Variants in KIT observed in about 807,000 individuals in gnomAD.
KIT encodes mast/stem cell growth factor receptor Kit.
KIT carries 16 observed loss-of-function variants against 105.7 expected under a neutral mutation model. The observed-to-expected ratio is 0.15, with a 90% CI of 0.10 to 0.23. The LOEUF is 0.23. Among genes scored for constraint, KIT ranks in the 10% least tolerant of loss-of-function variants. The pLI, the probability that KIT is intolerant of heterozygous loss-of-function variation, is 1.00. For missense variants in KIT, 858 were observed against 1,213.8 expected, an observed-to-expected ratio of 0.71 and a Z score of 4.36; for synonymous variants, 438 against 441.1, an observed-to-expected ratio of 0.99 and a Z score of 0.09.
intron 17 of KIT, among the ~76,000 whole-genome samples, chr4:54,735,584 T>C (rs932726608): frequency 3.9e-5 from 6 of 152,180 alleles, no homozygotes; most frequent in African/African-American, 1.4e-4. Flanking sequence ...CTTGCCTTTC[T>C]TCTAGGCAAT....
At chr4:54,662,658 C>T (rs1482041169) in intron 1 of KIT, among the ~76,000 whole-genome samples, 9 of 152,152 alleles carry the variant, frequency 5.9e-5, no homozygotes, top group Non-Finnish European at 1.2e-4. Flanking sequence ...CTGCAACCTC[C>T]ACCTCCTGGG....
chr4:54,686,670 G>T (rs112665338), intron 1 of KIT, among the ~76,000 whole-genome samples: 1 of 152,098 alleles, frequency 6.6e-6, no homozygotes, highest in African/African-American at 2.4e-5. Flanking sequence ...TCAGCCTCCT[G>T]AGTACCTGGG....
rs1722035754 is a variant in KIT, at chr4:54,723,707, A to G, written c.1346+9A>G. On this transcript the variant is annotated intron_variant, in intron 8 of 20. Coordinates refer to ENST00000288135, the MANE Select transcript of KIT (RefSeq NM_000222.3). Reference sequence around the variant, plus strand: ...CCAGGAACTGAGCAGAGGTGAGATGATTATTTTTGGCACTGCTTATAATGC... The same window carrying G: ...CCAGGAACTGAGCAGAGGTGAGATGGTTATTTTTGGCACTGCTTATAATGC... The G allele has an allele frequency of 6.5e-7, 1 of 1,542,314 alleles. No individual in the cohort carries two copies. Among genetic ancestry groups the G allele is most frequent in the African/African-American group, 1.4e-5 (1 of 73,462 alleles).
At chr4:54,658,186 C>T in intron 1 of KIT, 105 bp downstream of exon 1, 4 of 1,154,044 alleles carry the variant, frequency 3.5e-6, no homozygotes, top group East Asian at 4.8e-5. Flanking sequence ...ACTGCGGGCC[C>T]TCAGTGCCCG....
At chr4:54,726,131 C>T (rs1560416309) in intron 9 of KIT, 81 bp downstream of exon 9, 1 of 1,141,352 alleles carries the variant, frequency 8.8e-7, no homozygotes, top group Non-Finnish European at 1.3e-6. Flanking sequence ...TTCATTCCAA[C>T]ATTGACCATG....
chr4:54,734,130 G>A (rs1445368198), intron 17 of KIT, among the ~76,000 whole-genome samples: 2 of 152,134 alleles, frequency 1.3e-5, no homozygotes, highest in East Asian at 3.8e-4. Flanking sequence ...TTATCATCAG[G>A]AGTGATAATA....
At chr4:54,732,909 G>A (rs1722699217) in intron 16 of KIT, among the ~76,000 whole-genome samples, 161 bp from the exon 17 acceptor site, 1 of 152,110 alleles carries the variant, frequency 6.6e-6, no homozygotes, top group African/African-American at 2.4e-5. Flanking sequence ...CATCATTCAA[G>A]GCGTACTTTT....
chr4:54,740,317 G>A lies in KIT; in HGVS notation c.*1760G>A. 4.3e-6 allele frequency: 1 copy of A among 233,516 alleles called. No individual in the cohort carries two copies. Among genetic ancestry groups the A allele is most frequent in the South Asian group, 1.8e-4 (1 of 5,528 alleles). 14.5% of individuals were successfully genotyped at this position (233,516 alleles called of 1,614,324 possible). ...TACTTTGTCTGAAAAATTCCTTTGTGTTTCTATTGACTTCAATGATAGTAA... is the reference window on the plus strand; with the variant it reads ...TACTTTGTCTGAAAAATTCCTTTGTATTTCTATTGACTTCAATGATAGTAA... On this transcript the variant is annotated 3_prime_UTR_variant, in exon 21 of 21. Coordinates refer to ENST00000288135, the MANE Select transcript of KIT (RefSeq NM_000222.3).
At chr4:54,737,044 G>A (rs1560425229) in intron 19 of KIT, 131 bp from the exon 20 acceptor site, 2 of 745,094 alleles carry the variant, frequency 2.7e-6, no homozygotes, top group South Asian at 3.0e-5. Context: ...AGTGTTTTAT[G>A]TTATCTATAT....
chr4:54,727,601 T>G (rs1722320794), intron 11 of KIT, 59 bp downstream of exon 11: 1 of 1,603,322 alleles, frequency 6.2e-7, no homozygotes, highest in Non-Finnish European at 8.5e-7. Flanking sequence ...ACAGTGACTT[T>G]AAGGAACTCC....
intron 4 of KIT, among the ~76,000 whole-genome samples, chr4:54,703,172 TA>T (rs1577962394): frequency 6.6e-6 from 1 of 152,330 alleles, no homozygotes; most frequent in East Asian, 1.9e-4. Flanking sequence ...AGATGTCTCT[TA>T]TACCTTGGAA....
chr4:54,681,122 C>T (rs1048272399), intron 1 of KIT, among the ~76,000 whole-genome samples: 7 of 152,126 alleles, frequency 4.6e-5, no homozygotes, highest in African/African-American at 7.2e-5. Flanking sequence ...AAAGAAGGGA[C>T]GAGCTCGCTA....
Position 54,690,060 on chromosome 4 carries a change from G to GT in KIT, c.68-5452_68-5451insT, listed in dbSNP as rs993062707. Among the ~76,000 whole-genome samples the GT allele has an allele frequency of 9.4e-4, 115 of 121,764 alleles. 2 individuals carry two copies. The highest frequency in any genetic ancestry group is 3.4e-3 in the African/African-American group (105 of 31,326). 79.9% of individuals were successfully genotyped at this position (121,764 alleles called of 152,430 possible). A position where few individuals can be genotyped will look rare whatever the true frequency, so the allele number is the denominator to read the frequency against. ...TATAGAATGTTACTTTTTTTTTGTG[G>GT]GGGGGGGGGGCTGTGTAATGTTCCA... On this transcript the variant is annotated intron_variant, in intron 1 of 20. Transcript: ENST00000288135.
At chr4:54,703,427 C>G (rs943532845) in intron 4 of KIT, among the ~76,000 whole-genome samples, 1 of 152,136 alleles carries the variant, frequency 6.6e-6, no homozygotes, top group Non-Finnish European at 1.5e-5. Flanking sequence ...TCAGAGATAG[C>G]AACTTTTAAA....
intron 1 of KIT, among the ~76,000 whole-genome samples, chr4:54,686,409 T>G (rs562735399): frequency 6.6e-6 from 1 of 152,350 alleles, no homozygotes; most frequent in Admixed American, 6.5e-5. Flanking sequence ...CTTTAATTTT[T>G]AAAAGCTAAA....
intron 1 of KIT, among the ~76,000 whole-genome samples, 175 bp from the exon 2 acceptor site, chr4:54,695,337 A>G (rs537902236): frequency 5.3e-4 from 80 of 152,362 alleles, no homozygotes; most frequent in African/African-American, 1.8e-3. Context: ...AAATAATTTT[A>G]TAGATGAACT....
At chr4:54,737,361 G>T (rs908505872) in intron 20 of KIT, 81 bp downstream of exon 20, 1 of 938,554 alleles carries the variant, frequency 1.1e-6, no homozygotes, top group African/African-American at 1.6e-5. Context: ...TCAGGGTGAG[G>T]ACTAACCTCC....
rs760581405 is a variant in KIT, at chr4:54,723,564, C to A, written c.1232-20C>A. The A allele has an allele frequency of 1.3e-6, 2 of 1,517,212 alleles. No individual in the cohort carries two copies. The highest frequency in any genetic ancestry group is 1.4e-5 in the African/African-American group (1 of 72,946). The allele number at this position is 1,517,212 out of a possible 1,614,324, so 94.0% of individuals were successfully genotyped here. ...GGTTTTCCAGCACTCTGACATATGG[C>A]CATTTCTGTTTTCCTGTAGCAAAAC... On this transcript the variant is annotated intron_variant, in intron 7 of 20. Coordinates refer to ENST00000288135, the MANE Select transcript of KIT (RefSeq NM_000222.3).
rs534442557 is a variant in KIT, at chr4:54,710,408, A to T, written c.1231+869A>T. 2.6e-5 allele frequency among the ~76,000 whole-genome samples: 4 copies of T among 152,316 alleles called. No homozygotes were observed. In the South Asian group the frequency reaches 6.2e-4, roughly 24 times the overall value. Reference sequence around the variant, plus strand: ...GTGTGGAGGATGAGGAGACAACTGGAATATTTCATAGAAAAGAGCTTAGGC... The same window carrying T: ...GTGTGGAGGATGAGGAGACAACTGGTATATTTCATAGAAAAGAGCTTAGGC... On this transcript the variant is annotated intron_variant, in intron 7 of 20. Coordinates refer to ENST00000288135, the MANE Select transcript of KIT (RefSeq NM_000222.3).
Sources: gnomAD v4.1 joint callset for allele counts (sites outside exome capture counted in the v4.1 genomes callset) on GRCh38, gnomAD v4.1.1 for gene constraint, MANE v1.5 for transcripts, NCBI Gene and HGNC (gene_info 2026-07-23, HGNC 2026-07-21) for gene names.